Variants in LRP1B observed in about 807,000 individuals in gnomAD.
The protein encoded by LRP1B is low-density lipoprotein receptor-related protein 1B.
A neutral mutation model predicts 556.6 loss-of-function variants in LRP1B; 217 were observed. The ratio of observed to expected loss-of-function variants is 0.39; its 90% CI spans 0.35 to 0.44. The LOEUF is 0.44. Among genes scored for constraint, LRP1B ranks in the 20% least tolerant of loss-of-function variants. LRP1B has a pLI of 1.00. For missense variants in LRP1B, 5,053 were observed against 5,620.8 expected, an observed-to-expected ratio of 0.90 and a Z score of 3.23; for synonymous variants, 2,047 against 1,865.8, an observed-to-expected ratio of 1.10 and a Z score of -2.50.
At chr2:140,545,547 T>G (rs1680298908) in intron 43 of LRP1B, among the ~76,000 whole-genome samples, 2 of 152,142 alleles carry the variant, frequency 1.3e-5, no homozygotes, top group Non-Finnish European at 2.9e-5. Context: ...TAGAGTCCTT[T>G]CCCCTTTGCT....
chr2:141,431,834 G>C (rs1680572593), intron 3 of LRP1B, among the ~76,000 whole-genome samples: 1 of 152,054 alleles, frequency 6.6e-6, no homozygotes, highest in African/African-American at 2.4e-5. Context: ...CAAGCTGTCT[G>C]AACTCATCTG....
intron 32 of LRP1B, among the ~76,000 whole-genome samples, chr2:140,813,328 T>C (rs1559134448): frequency 6.6e-6 from 1 of 152,222 alleles, no homozygotes; most frequent in Non-Finnish European, 1.5e-5. Flanking sequence ...TTTGACTTTA[T>C]TGTGACAAAT....
At chr2:140,699,220 T>C (rs750727210) in intron 41 of LRP1B, among the ~76,000 whole-genome samples, 23 of 152,064 alleles carry the variant, frequency 1.5e-4, no homozygotes, top group Admixed American at 2.6e-4. Flanking sequence ...ACCTTTAGTA[T>C]AGAACTAGGT....
At chr2:141,603,789 C>A (rs538601264) in intron 2 of LRP1B, among the ~76,000 whole-genome samples, 1 of 152,116 alleles carries the variant, frequency 6.6e-6, no homozygotes, top group Non-Finnish European at 1.5e-5. Context: ...AGTTTCTTCT[C>A]TCAAAACTCA....
chr2:140,315,282 G>A (rs1684472081), intron 82 of LRP1B, among the ~76,000 whole-genome samples, 183 bp from the exon 83 acceptor site: 1 of 152,002 alleles, frequency 6.6e-6, no homozygotes, highest in African/African-American at 2.4e-5. Context: ...TTGTTGAATG[G>A]TAAATATACA....
At chr2:141,418,707 G>A (rs1680026102) in intron 3 of LRP1B, among the ~76,000 whole-genome samples, 1 of 151,874 alleles carries the variant, frequency 6.6e-6, no homozygotes, top group African/African-American at 2.4e-5. Context: ...AGGTGATTTA[G>A]GCTCTTTGGG....
intron 1 of LRP1B, among the ~76,000 whole-genome samples, chr2:141,849,898 T>C (rs547438142): frequency 6.6e-6 from 1 of 151,792 alleles, no homozygotes; most frequent in East Asian, 1.9e-4. Flanking sequence ...ACAGAGACAA[T>C]TGATGGCCAA....
chr2:141,819,710 A>C (rs1027149107), intron 1 of LRP1B, among the ~76,000 whole-genome samples: 2 of 152,196 alleles, frequency 1.3e-5, no homozygotes, highest in East Asian at 1.9e-4. Flanking sequence ...ATGATTAACA[A>C]TAATATAATT....
chr2:140,843,056 GTTTTTTTTT>G (rs532264946), intron 29 of LRP1B, among the ~76,000 whole-genome samples: 1 of 28,066 alleles, frequency 3.6e-5, no homozygotes, highest in Non-Finnish European at 7.3e-5. Context: ...CTCCAAAGTG[GTTTTTTTTT>G]TGTTTTTTTT....
chr2:141,779,894 T>A (rs1195090402), intron 2 of LRP1B, among the ~76,000 whole-genome samples: 1 of 151,848 alleles, frequency 6.6e-6, no homozygotes, highest in Non-Finnish European at 1.5e-5. Flanking sequence ...AGTCTATTAT[T>A]TACCTAAATT....
intron 2 of LRP1B, among the ~76,000 whole-genome samples, chr2:141,692,228 A>G (rs916412427): frequency 6.6e-6 from 1 of 152,046 alleles, no homozygotes; most frequent in Non-Finnish European, 1.5e-5. Flanking sequence ...AAATCATTCA[A>G]TGATTTCAAT....
In LRP1B at chr2:140,779,755, A is replaced by AGTGTGTGTGT. The variant is rs70988440; in HGVS notation, c.5360-3527_5360-3518dup. On this transcript the variant is annotated intron_variant, in intron 32 of 90. Transcript: ENST00000389484. ...TGGTGTGTCTGTCTCTCTGTGAGAG[A>AGTGTGTGTGT]GTGTGTGTGTGTGTGTGTGTGTGTG... Among the ~76,000 whole-genome samples, 23 of 135,370 alleles carry AGTGTGTGTGT rather than the reference A, an allele frequency of 1.7e-4. No individual in the cohort carries two copies. In the South Asian group the frequency reaches 4.6e-3, roughly 27 times the overall value. The allele number at this position is 135,370 out of a possible 152,430, so 88.8% of individuals were successfully genotyped here.
intron 35 of LRP1B, among the ~76,000 whole-genome samples, chr2:140,734,911 T>C (rs1458016110): frequency 6.6e-6 from 1 of 152,144 alleles, no homozygotes; most frequent in Non-Finnish European, 1.5e-5. Context: ...CTCCCCTCTA[T>C]CTTTCATATG....
At chr2:141,602,369 A>C (rs1687778804) in intron 2 of LRP1B, among the ~76,000 whole-genome samples, 1 of 152,196 alleles carries the variant, frequency 6.6e-6, no homozygotes, top group Non-Finnish European at 1.5e-5. Flanking sequence ...AGGCTGTCAA[A>C]GTGTAATCCA....
chr2:141,106,194 C>T lies in LRP1B; in HGVS notation c.1014-43921G>A, dbSNP rs570197186. Among the ~76,000 whole-genome samples, 3 of 152,244 alleles carry T rather than the reference C, an allele frequency of 2.0e-5. No homozygotes were observed. In the East Asian group the frequency reaches 5.8e-4, roughly 29 times the overall value. Reference sequence around the variant, plus strand: ...AAAAATCCAAGGCCTTATCTTCTAACCAATTTTTCTGAAATTAAATATTTA... The same window carrying T: ...AAAAATCCAAGGCCTTATCTTCTAATCAATTTTTCTGAAATTAAATATTTA... On this transcript the variant is annotated intron_variant, in intron 7 of 90. Coordinates refer to ENST00000389484, the MANE Select transcript of LRP1B (RefSeq NM_018557.3).
intron 35 of LRP1B, among the ~76,000 whole-genome samples, chr2:140,760,522 A>G (rs953484367): frequency 6.6e-6 from 1 of 152,160 alleles, no homozygotes; most frequent in Non-Finnish European, 1.5e-5. Flanking sequence ...AATCCCACAT[A>G]TTGAATGGTT....
chr2:141,386,803 A>G (rs1689848587), intron 3 of LRP1B, among the ~76,000 whole-genome samples: 1 of 152,030 alleles, frequency 6.6e-6, no homozygotes, highest in South Asian at 2.1e-4. Flanking sequence ...TTCAATAATA[A>G]TTAGTACATC....
intron 1 of LRP1B, among the ~76,000 whole-genome samples, chr2:141,916,447 C>CTCCG (rs1416724760): frequency 6.6e-6 from 1 of 151,926 alleles, no homozygotes; most frequent in East Asian, 1.9e-4. Context: ...TCACTGCAAG[C>CTCCG]TCCACCTCCT....
At chr2:140,306,400 G>C (rs1210679032) in intron 83 of LRP1B, among the ~76,000 whole-genome samples, 1 of 150,516 alleles carries the variant, frequency 6.6e-6, no homozygotes, top group East Asian at 1.9e-4. Context: ...AAGTGTCCAG[G>C]AATTTATCCA....
Sources: allele counts gnomAD v4.1 joint callset (sites outside exome capture counted in the v4.1 genomes callset), GRCh38; gene constraint gnomAD v4.1.1; transcripts MANE v1.5; gene names NCBI Gene and HGNC (gene_info 2026-07-23, HGNC 2026-07-21).